The following GSS variants were observed in gnomAD, a reference collection of about 807,000 sequenced individuals.
GSS encodes GSH synthetase.
A neutral mutation model predicts 60.4 loss-of-function variants in GSS; 34 were observed. The observed-to-expected ratio is 0.56, with a 90% CI of 0.43 to 0.75. The LOEUF (loss-of-function observed/expected upper bound fraction) is 0.75, where lower values mean the gene tolerates loss of function less well. Ranked by LOEUF, GSS falls within the 30% of genes least tolerant of loss-of-function variation. The pLI is 0.00. For missense variants in GSS, 499 were observed against 595.1 expected, an observed-to-expected ratio of 0.84 and a Z score of 1.68; for synonymous variants, 224 against 239.0, an observed-to-expected ratio of 0.94 and a Z score of 0.58.
intron 8 of GSS, 52 bp downstream of exon 8, chr20:34,936,711 G>T: frequency 8.4e-7 from 1 of 1,188,490 alleles, no homozygotes; most frequent in Non-Finnish European, 1.3e-6. Flanking sequence ...GAAGAGGGTG[G>T]CAGGATGAGT....
chr20:34,951,236 C>A (rs1236548822), intron 2 of GSS, among the ~76,000 whole-genome samples: 1 of 152,142 alleles, frequency 6.6e-6, no homozygotes. Flanking sequence ...AAAAACATAT[C>A]ATAGAATAAT....
chr20:34,928,660 C>G lies in GSS; in HGVS notation c.*168G>C, dbSNP rs927726003. 2.0e-5 allele frequency: 15 copies of G among 754,200 alleles called. No homozygotes were observed. The highest frequency in any genetic ancestry group is 3.4e-5 in the Non-Finnish European group (15 of 436,278). The allele number at this position is 754,200 out of a possible 1,614,324, so 46.7% of individuals were successfully genotyped here. On this transcript the variant is annotated 3_prime_UTR_variant, in exon 13 of 13. Transcript: ENST00000651619. ...GGATTTGGGGGCGTCTAGATCTCAT[C>G]TAAGGGAGACACAACTTTTCTGGTC... is the stretch of plus-strand genomic sequence containing the variant.
chr20:34,941,670 G>T, intron 6 of GSS, 43 bp downstream of exon 6: 1 of 1,076,766 alleles, frequency 9.3e-7, no homozygotes, highest in South Asian at 1.2e-5. Flanking sequence ...CATGAATGCT[G>T]AAACTAAAGC....
chr20:34,929,499 G>T lies in GSS; in HGVS notation c.1203C>A (p.Ile401=), dbSNP rs138574949. 1.8e-5 allele frequency: 29 copies of T among 1,613,770 alleles called. No homozygotes were observed. The highest frequency in any genetic ancestry group is 8.5e-7 in the Non-Finnish European group (1 of 1,179,742). Reference sequence around the variant, plus strand: ...GGCAATTCTCAAAAGGCTCAGGTTCGATCTTCTCCATGAGGATGTAGGAGG... The same window carrying T: ...GGCAATTCTCAAAAGGCTCAGGTTCTATCTTCTCCATGAGGATGTAGGAGG... The part of the protein sequence containing the change: ...ERASYILMEK[I]EPEPFENCLL... Residue 401 remains isoleucine (I), a synonymous_variant, in exon 12 of 13, where the codon ATC becomes ATA. Coordinates refer to ENST00000651619, the MANE Select transcript of GSS (RefSeq NM_000178.4).
intron 6 of GSS, among the ~76,000 whole-genome samples, chr20:34,937,267 A>G (rs76064651): frequency 2.6e-5 from 4 of 152,352 alleles, no homozygotes; most frequent in African/African-American, 9.6e-5. Flanking sequence ...ACCCTTCTCC[A>G]GTGGGCAGAT....
intron 2 of GSS, 43 bp from the exon 3 acceptor site, chr20:34,946,141 T>C (rs2147132319): frequency 6.5e-7 from 1 of 1,548,242 alleles, no homozygotes; most frequent in South Asian, 1.2e-5. Flanking sequence ...AGGGCACCTG[T>C]GAACGGGTTG....
chr20:34,938,299 C>T (rs1244850428), intron 6 of GSS, among the ~76,000 whole-genome samples: 1 of 152,194 alleles, frequency 6.6e-6, no homozygotes, highest in African/African-American at 2.4e-5. Context: ...TCTATCTCTG[C>T]TTCTCCTGAC....
Position 34,942,964 on chromosome 20 carries a change from G to T in GSS, c.318C>A (p.Ile106=). 6.2e-7 allele frequency: 1 copy of T among 1,611,830 alleles called. No homozygotes were observed. Among genetic ancestry groups the T allele is most frequent in the Non-Finnish European group, 8.5e-7 (1 of 1,178,496 alleles). Residue 106 remains isoleucine, a synonymous_variant, in exon 4 of 13, where the codon ATC becomes ATA. Transcript: ENST00000651619. ...QDDFTARLFD[I]HKQVLKEGIA... Reference sequence around the variant, plus strand: ...TGCCCTCTTTTAGGACTTGCTTGTGGATGTCAAAGAGACGAGCGGTAAAGT... The same window carrying T: ...TGCCCTCTTTTAGGACTTGCTTGTGTATGTCAAAGAGACGAGCGGTAAAGT...
intron 11 of GSS, among the ~76,000 whole-genome samples, chr20:34,930,688 C>T (rs886884914): frequency 6.6e-6 from 1 of 152,218 alleles, no homozygotes; most frequent in Non-Finnish European, 1.5e-5. Flanking sequence ...TGTGTCCCTT[C>T]CTGGCTTAAA....
Position 34,942,829 on chromosome 20 carries a change from C to A in GSS, c.351+102G>T. 6 of 947,104 alleles carry A rather than the reference C, an allele frequency of 6.3e-6. No individual in the cohort carries two copies. The South Asian group carries it at 8.3e-5, about 13-fold the overall frequency. 58.7% of individuals were successfully genotyped at this position (947,104 alleles called of 1,614,324 possible). A position where few individuals can be genotyped will look rare whatever the true frequency, so the allele number is the denominator to read the frequency against. ...AGTGAGGACCAGTGAGAGGCAGATT[C>A]CCATGAGCTGAGGGCCTGGACCAAA... On this transcript the variant is annotated intron_variant, in intron 4 of 12. Coordinates refer to ENST00000651619, the MANE Select transcript of GSS (RefSeq NM_000178.4).
In GSS at chr20:34,942,993, C is replaced by A; in HGVS notation, c.289G>T (p.Asp97Tyr). 1 of 1,611,060 alleles carries A rather than the reference C, an allele frequency of 6.2e-7. No individual in the cohort carries two copies. Among genetic ancestry groups the A allele is most frequent in the Non-Finnish European group, 8.5e-7 (1 of 1,177,978 alleles). Reference protein sequence around the residue: ...EQTLSSTIKQDDFTARLFDIH... With the variant: ...EQTLSSTIKQYDFTARLFDIH... ...TCAAAGAGACGAGCGGTAAAGTCAT[C>A]CTGTTTGATGGTGCTGGAGGAAGAA... The change falls in exon 4 of 13, where the codon GAT (aspartate) becomes TAT (tyrosine). Residue 97 changes from aspartate to tyrosine, a missense_variant. Physicochemically the swap from Asp to Tyr is radical, Grantham distance 160. Transcript: ENST00000651619.
intron 1 of GSS, among the ~76,000 whole-genome samples, chr20:34,953,578 T>C (rs1270732125): frequency 6.6e-6 from 1 of 151,168 alleles, no homozygotes; most frequent in Non-Finnish European, 1.5e-5. Context: ...CCTTCCTTCC[T>C]TCTTTTTCTT....
At position 34,941,683 on chromosome 20, in the gene GSS, G is replaced by A. The variant is rs376063451; in HGVS notation, c.608+30C>T. ...CCCATGAATGCTGAAACTAAAGCAG[G>A]ATCCTCCTGCTACCTTTTCACACCC... On this transcript the variant is annotated intron_variant, in intron 6 of 12. Coordinates refer to ENST00000651619, the MANE Select transcript of GSS (RefSeq NM_000178.4). The A allele has an allele frequency of 3.3e-5, 39 of 1,183,608 alleles. No homozygotes were observed. In the African/African-American group the frequency reaches 5.5e-4, roughly 17 times the overall value. 73.3% of individuals were successfully genotyped at this position (1,183,608 alleles called of 1,614,324 possible).
intron 3 of GSS, among the ~76,000 whole-genome samples, chr20:34,944,501 C>G (rs1000048150): frequency 6.6e-6 from 1 of 152,192 alleles, no homozygotes; most frequent in Non-Finnish European, 1.5e-5. Flanking sequence ...ATGACCCCTT[C>G]TCATATTCAC....
intron 2 of GSS, among the ~76,000 whole-genome samples, chr20:34,948,336 C>CA (rs1004357809): frequency 2.6e-5 from 4 of 152,152 alleles, no homozygotes; most frequent in Non-Finnish European, 4.4e-5. Context: ...CTCAAAAACT[C>CA]AGAGTTTTTC....
At chr20:34,946,995 T>A (rs1175038498) in intron 2 of GSS, among the ~76,000 whole-genome samples, 2 of 152,234 alleles carry the variant, frequency 1.3e-5, no homozygotes, top group Non-Finnish European at 2.9e-5. Flanking sequence ...TATAAAGCAT[T>A]CCTGAGTTTA....
chr20:34,936,662 C>G (rs1430606434), intron 8 of GSS, 101 bp downstream of exon 8: 9 of 924,680 alleles, frequency 9.7e-6, no homozygotes, highest in Non-Finnish European at 1.5e-5. Context: ...GAGAAGGAAG[C>G]AAGCCATCAC....
In GSS at chr20:34,951,585, C is replaced by T; in HGVS notation, c.129+139G>A. 4.3e-6 allele frequency: 4 copies of T among 937,694 alleles called. No homozygotes were observed. The South Asian group carries it at 5.0e-5, about 12-fold the overall frequency. 58.1% of individuals were successfully genotyped at this position (937,694 alleles called of 1,614,324 possible). Reference sequence around the variant, plus strand: ...CAGGACACTGCCTTTTTATTTTCTACTTCTAGAGATCAATTTTAGTTACTG... The same window carrying T: ...CAGGACACTGCCTTTTTATTTTCTATTTCTAGAGATCAATTTTAGTTACTG... On this transcript the variant is annotated intron_variant, in intron 2 of 12. Coordinates refer to ENST00000651619, the MANE Select transcript of GSS (RefSeq NM_000178.4).
intron 2 of GSS, among the ~76,000 whole-genome samples, chr20:34,950,330 G>A (rs1359216255): frequency 6.6e-6 from 1 of 152,120 alleles, no homozygotes. Context: ...ATTACTGAGT[G>A]TGGACTCCAT....
Sources: gnomAD v4.1 joint callset for allele counts (sites outside exome capture counted in the v4.1 genomes callset) on GRCh38, gnomAD v4.1.1 for gene constraint, MANE v1.5 for transcripts, NCBI Gene and HGNC (gene_info 2026-07-23, HGNC 2026-07-21) for gene names.